The following TMEM67 variants were observed in gnomAD, a reference collection of about 807,000 sequenced individuals.
TMEM67 encodes the protein transmembrane protein 67.
In TMEM67, 124 loss-of-function variants were observed where a neutral mutation model predicts 136.6. The ratio of observed to expected loss-of-function variants is 0.91; its 90% CI spans 0.78 to 1.05. The LOEUF (loss-of-function observed/expected upper bound fraction) is 1.05. Among genes scored for constraint, TMEM67 ranks in the 50% least tolerant of loss-of-function variants. The pLI, the probability that TMEM67 is intolerant of heterozygous loss-of-function variation, is 0.00. For missense variants in TMEM67, 1,107 were observed against 1,178.4 expected (o/e 0.94, Z 0.89); for synonymous variants, 364 against 390.5 (o/e 0.93, Z 0.80).
In TMEM67 at chr8:93,796,004, A is replaced by G. The variant is rs746606881; in HGVS notation, c.1860+17A>G. 3.1e-5 allele frequency: 48 copies of G among 1,565,326 alleles called. 2 individuals carry two copies. In the Middle Eastern group the frequency reaches 6.7e-4, roughly 22 times the overall value. ...GCTCTGAAGGTAAGTTTTAAAGGAC[A>G]GGTTACCAAATTTAAAAGGCCTGCT... On this transcript the variant is annotated intron_variant, in intron 18 of 27. Transcript: ENST00000453321.
At position 93,778,236 on chromosome 8, in the gene TMEM67, C is replaced by G. The variant is rs189786811; in HGVS notation, c.715-2357C>G. On this transcript the variant is annotated intron_variant, in intron 7 of 27. Transcript: ENST00000453321. ...TCTTCCTCCATCCCTTTATTTTGAG[C>G]CTATGTGTGTCTTTGCACGTGAGAT... is the stretch of plus-strand genomic sequence containing the variant. 1.1e-3 allele frequency among the ~76,000 whole-genome samples: 168 copies of G among 152,282 alleles called. 1 individual carries two copies. The highest frequency in any genetic ancestry group is 2.4e-3 in the Admixed American group (36 of 15,292).
chr8:93,822,567 G>A (rs1586108937), downstream of TMEM67, among the ~76,000 whole-genome samples: 1 of 152,290 alleles, frequency 6.6e-6, no homozygotes, highest in East Asian at 1.9e-4. Flanking sequence ...CTCAAAGGTA[G>A]GTGTGCTCAC....
rs386834182 is a variant in TMEM67, at chr8:93,786,253, G to A, written c.1319G>A (p.Arg440Gln). The A allele has an allele frequency of 8.2e-5, 132 of 1,613,938 alleles. No homozygotes were observed. The highest frequency in any genetic ancestry group is 9.9e-5 in the Non-Finnish European group (117 of 1,179,966). The change falls in exon 13 of 28, where the codon CGG becomes CAG. Residue 440 changes from arginine to glutamine, a missense_variant. By Grantham distance (43) the Arg-to-Gln change is conservative. Transcript: ENST00000453321. ...DSNSGKWLLT[R>Q]RIFLVDAVSG... ...AACTCTGGAAAGTGGCTTCTAACTC[G>A]GCGCATTTTCTTAGTGGATGCAGTA...
intron 20 of TMEM67, among the ~76,000 whole-genome samples, chr8:93,798,565 G>A (rs1814722051): frequency 6.6e-6 from 1 of 152,162 alleles, no homozygotes; most frequent in African/African-American, 2.4e-5. Flanking sequence ...ACTGAACATG[G>A]AAACAGTTTA....
chr8:93,808,427 TTATC>T (rs1260500659), intron 23 of TMEM67, among the ~76,000 whole-genome samples: 18 of 139,694 alleles, frequency 1.3e-4, no homozygotes, highest in African/African-American at 1.8e-4. Context: ...AGATATATAT[TTATC>T]TATTATATAT....
intron 7 of TMEM67, among the ~76,000 whole-genome samples, chr8:93,777,652 G>C (rs754585790): frequency 2.6e-5 from 4 of 152,098 alleles, no homozygotes; most frequent in Admixed American, 2.0e-4. Context: ...TTTCCATGTC[G>C]TTGTGTGGTT....
chr8:93,792,330 C>T (rs1156502615), intron 15 of TMEM67, among the ~76,000 whole-genome samples: 2 of 152,148 alleles, frequency 1.3e-5, no homozygotes, highest in African/African-American at 4.8e-5. Context: ...CACCACCACG[C>T]CCAGCTAATT....
At chr8:93,796,109 A>G (rs1814603996) in intron 18 of TMEM67, 122 bp downstream of exon 18, 2 of 733,512 alleles carry the variant, frequency 2.7e-6, no homozygotes, top group Non-Finnish European at 4.8e-6. Context: ...GAAAGAAAGC[A>G]TTAATTATTT....
chr8:93,825,950 T>C, the TMEM67 span, among the ~76,000 whole-genome samples: 1 of 152,094 alleles, frequency 6.6e-6, no homozygotes, highest in Non-Finnish European at 1.5e-5. Flanking sequence ...TGGCCTCCTA[T>C]GATGGTGAGC....
intron 26 of TMEM67, among the ~76,000 whole-genome samples, chr8:93,810,795 T>C (rs573134415): frequency 7.2e-5 from 11 of 152,360 alleles, no homozygotes; most frequent in South Asian, 4.1e-4. Context: ...TTGGACTGTT[T>C]GTTTAATGCC....
intron 1 of TMEM67, among the ~76,000 whole-genome samples, chr8:93,755,347 T>G (rs890027936): frequency 2.6e-5 from 4 of 152,210 alleles, no homozygotes; most frequent in Non-Finnish European, 5.9e-5. Flanking sequence ...TTTAGTGACG[T>G]AGAAATGTAA....
intron 11 of TMEM67, among the ~76,000 whole-genome samples, chr8:93,783,107 A>G (rs1813921613): frequency 6.6e-6 from 1 of 151,762 alleles, no homozygotes; most frequent in South Asian, 2.1e-4. Context: ...TGCCTCAACC[A>G]CCTGAGTAGC....
chr8:93,797,133 G>A lies in TMEM67; in HGVS notation c.1861-1G>A. On this transcript the variant is annotated splice_acceptor_variant, in intron 18 of 27. Coordinates refer to ENST00000453321, the MANE Select transcript of TMEM67 (RefSeq NM_153704.6). LOFTEE classifies it high-confidence loss of function. Reference sequence around the variant, plus strand: ...GGTGTTTTATTATATGTCATTCTCAGGCACTACAATTTTTGCATAAGCTCA... The same window carrying A: ...GGTGTTTTATTATATGTCATTCTCAAGCACTACAATTTTTGCATAAGCTCA... 1 of 1,581,810 alleles carries A rather than the reference G, an allele frequency of 6.3e-7. No homozygotes were observed. The highest frequency in any genetic ancestry group is 1.1e-5 in the South Asian group (1 of 90,306).
At chr8:93,824,487 A>T in the TMEM67 span, among the ~76,000 whole-genome samples, 2 of 152,118 alleles carry the variant, frequency 1.3e-5, no homozygotes, top group African/African-American at 4.8e-5. Context: ...CTCCAAACCC[A>T]TTCCTCTTAT....
At position 93,765,570 on chromosome 8, in the gene TMEM67, AG is replaced by A. The variant is rs1813045712; in HGVS notation, c.577-1del. ...TATTTTTTCCCTCATTTATTTATGAAGACAGGGGGATTATGTTTCAGCAGCA... is the reference window on the plus strand; with the variant it reads ...TATTTTTTCCCTCATTTATTTATGAAACAGGGGGATTATGTTTCAGCAGCA... On this transcript the variant is annotated splice_acceptor_variant, in intron 5 of 27. Transcript: ENST00000453321. LOFTEE classifies it high-confidence loss of function. The A allele has an allele frequency of 2.5e-6, 4 of 1,611,366 alleles. No homozygotes were observed. Among genetic ancestry groups the A allele is most frequent in the Admixed American group, 1.7e-5 (1 of 59,992 alleles).
At chr8:93,811,733 A>G (rs537818401) in intron 26 of TMEM67, among the ~76,000 whole-genome samples, 182 of 152,270 alleles carry the variant, frequency 1.2e-3, no homozygotes, top group African/African-American at 4.3e-3. Context: ...TCAACATCTT[A>G]TTCTGATAGA....
intron 15 of TMEM67, 35 bp from the exon 16 acceptor site, chr8:93,793,163 T>G (rs1258508978): frequency 6.3e-7 from 1 of 1,575,778 alleles, no homozygotes; most frequent in African/African-American, 1.3e-5. Context: ...ATGACAGAAA[T>G]TACATAAATT....
At chr8:93,775,401 G>C (rs1813493938) in intron 7 of TMEM67, among the ~76,000 whole-genome samples, 1 of 152,070 alleles carries the variant, frequency 6.6e-6, no homozygotes, top group Non-Finnish European at 1.5e-5. Flanking sequence ...CATTGCTTTT[G>C]GTGTTTTAGT....
Position 93,803,723 on chromosome 8 carries a change from C to T in TMEM67, c.2322+39C>T, listed in dbSNP as rs978779755. ...GACTTCATCTTGCAACTGTTACTTTCCCTTTTTAAAGGTCATGAGTTTGTT... is the reference window on the plus strand; with the variant it reads ...GACTTCATCTTGCAACTGTTACTTTTCCTTTTTAAAGGTCATGAGTTTGTT... On this transcript the variant is annotated intron_variant, in intron 22 of 27. Coordinates refer to ENST00000453321, the MANE Select transcript of TMEM67 (RefSeq NM_153704.6). 4 of 1,204,636 alleles carry T rather than the reference C, an allele frequency of 3.3e-6. No individual in the cohort carries two copies. The African/African-American group carries it at 6.0e-5, about 18-fold the overall frequency. 74.6% of individuals were successfully genotyped at this position (1,204,636 alleles called of 1,614,324 possible). A position where few individuals can be genotyped will look rare whatever the true frequency, so the allele number is the denominator to read the frequency against.
Sources: gnomAD v4.1 joint callset for allele counts (sites outside exome capture counted in the v4.1 genomes callset) on GRCh38, gnomAD v4.1.1 for gene constraint, MANE v1.5 for transcripts, NCBI Gene and HGNC (gene_info 2026-07-23, HGNC 2026-07-21) for gene names.